Variants in PWWP2A observed in about 807,000 individuals in gnomAD.
PWWP2A encodes PWWP domain containing 2A.
In PWWP2A, 18 loss-of-function variants were observed where a neutral mutation model predicts 48.5. The ratio of observed to expected loss-of-function variants is 0.37; its 90% confidence interval spans 0.26 to 0.55. PWWP2A has a LOEUF of 0.55. Ranked by LOEUF, PWWP2A falls within the 20% of genes least tolerant of loss-of-function variation. The probability of loss-of-function intolerance (pLI) is 0.81; values close to 1 mark genes in which losing one functional copy is unlikely to be tolerated. For synonymous variants in PWWP2A, 396 were observed against 387.7 expected (o/e 1.02, Z -0.25); for missense variants, 867 against 976.4 (o/e 0.89, Z 1.49).
intron 2 of PWWP2A, among the ~76,000 whole-genome samples, chr5:160,084,127 G>A (rs1754443369): frequency 6.6e-6 from 1 of 152,220 alleles, no homozygotes; most frequent in African/African-American, 2.4e-5. Flanking sequence ...GACTGCAGTG[G>A]TAGTAATGAT....
chr5:160,103,913 G>A (rs1394568798), intron 1 of PWWP2A, among the ~76,000 whole-genome samples: 1 of 151,648 alleles, frequency 6.6e-6, no homozygotes, highest in Non-Finnish European at 1.5e-5. Flanking sequence ...CTTGAGACCA[G>A]GAGTTCAAGA....
chr5:160,093,658 G>A lies in PWWP2A; in HGVS notation c.992C>T (p.Ala331Val). ...ACCTTTTCTAATTTCCTTTTTTTCA[G>A]CAACAACACTGTTTTTACATTTATC... ...LCDKCKNSVVAEKKEIRKGSS... is the reference protein window; with the variant it reads ...LCDKCKNSVVVEKKEIRKGSS... The change falls in exon 2 of 2, where the codon GCT becomes GTT. Residue 331 changes from alanine (A) to valine (V), a missense_variant. By Grantham distance (64) the Ala-to-Val change is moderately conservative (BLOSUM62 0). This residue lies in a region of PWWP2A where 382 missense variants were observed against 407.2 expected (regional missense o/e 0.94). Transcript: ENST00000307063. The surrounding 1 kb of genome is among the most constrained non-coding windows in gnomAD (Gnocchi z 5.8). 6.2e-7 allele frequency: 1 copy of A among 1,613,648 alleles called. No homozygotes were observed. Among genetic ancestry groups the A allele is most frequent in the Admixed American group, 1.7e-5 (1 of 59,980 alleles).
At chr5:160,117,472 T>C (rs537264420) in intron 1 of PWWP2A, among the ~76,000 whole-genome samples, 8 of 152,142 alleles carry the variant, frequency 5.3e-5, no homozygotes, top group Non-Finnish European at 8.8e-5. Flanking sequence ...CTGGCCAACA[T>C]GGTGAAATCC....
At chr5:160,044,340 G>A in the PWWP2A span, among the ~76,000 whole-genome samples, 2 of 152,144 alleles carry the variant, frequency 1.3e-5, no homozygotes, top group African/African-American at 4.8e-5. Context: ...AAGTTTATTA[G>A]AGAAATAAAG....
chr5:160,093,329 T>C lies in PWWP2A; in HGVS notation c.1321A>G (p.Lys441Glu). ...GAAGTAGAGGTTTCATTTTGCTTCTTTTGTGCCTTTTCTTTGGCAATTTTT... is the reference window on the plus strand; with the variant it reads ...GAAGTAGAGGTTTCATTTTGCTTCTCTTGTGCCTTTTCTTTGGCAATTTTT... Reference protein sequence around the residue: ...VLKIAKEKAQKKQNETSTSKN... With the variant: ...VLKIAKEKAQEKQNETSTSKN... Residue 441 changes from lysine (K) to glutamate (E), a missense_variant, in exon 2 of 2, where the codon AAG (lysine) becomes GAG (glutamate). By Grantham distance (56) the Lys-to-Glu change is moderately conservative. This residue lies in a region of PWWP2A where 382 missense variants were observed against 407.2 expected (regional missense o/e 0.94). Transcript: ENST00000307063. The surrounding 1 kb of genome is among the most constrained non-coding windows in gnomAD (Gnocchi z 5.8). 6.2e-7 allele frequency: 1 copy of C among 1,613,930 alleles called. No homozygotes were observed.
chr5:160,077,978 C>A lies in PWWP2A; in HGVS notation c.*177G>T, dbSNP rs1038667005. 5 of 512,084 alleles carry A rather than the reference C, an allele frequency of 9.8e-6. No homozygotes were observed. Among genetic ancestry groups the A allele is most frequent in the African/African-American group, 9.6e-5 (5 of 52,242 alleles). The allele number at this position is 512,084 out of a possible 1,614,324, so 31.7% of individuals were successfully genotyped here. On this transcript the variant is annotated 3_prime_UTR_variant, in exon 4 of 4. Coordinates refer to the PWWP2A transcript ENST00000456329. This position sits in a 1 kb window ranked among gnomAD's most constrained non-coding sequence, Gnocchi z 4.2. The stretch of plus-strand genomic sequence containing the variant: ...TTTTTTATAAAATATTCCCTAATAC[C>A]TTTTCTTCGGTTTAAGACAGCACAA...
intron 1 of PWWP2A, chr5:160,108,597 C>T: frequency 7.8e-7 from 1 of 1,286,242 alleles, no homozygotes; most frequent in Non-Finnish European, 1.0e-6. Context: ...GGCTATTGCA[C>T]CATACGTTTC....
the PWWP2A span, among the ~76,000 whole-genome samples, chr5:160,046,969 G>A: frequency 6.6e-6 from 1 of 152,172 alleles, no homozygotes; most frequent in Admixed American, 6.5e-5. Flanking sequence ...CCGAGATCAC[G>A]CCATTACACT....
At chr5:160,102,890 C>G (rs567514799) in intron 1 of PWWP2A, among the ~76,000 whole-genome samples, 1 of 152,238 alleles carries the variant, frequency 6.6e-6, no homozygotes, top group African/African-American at 2.4e-5. Flanking sequence ...AAATGTAATA[C>G]ATAATCATTT....
At chr5:160,047,688 T>G in the PWWP2A span, among the ~76,000 whole-genome samples, 1 of 152,200 alleles carries the variant, frequency 6.6e-6, no homozygotes, top group Admixed American at 6.5e-5. Flanking sequence ...AGGTCCTCCA[T>G]GGCCCTACAT....
chr5:160,074,442 A>AAAT (rs1753818836), downstream of PWWP2A, among the ~76,000 whole-genome samples: 2 of 150,944 alleles, frequency 1.3e-5, no homozygotes, highest in South Asian at 2.1e-4. Flanking sequence ...CTGTCTCAAA[A>AAAT]AAATAAATAA....
chr5:160,050,054 C>A, the PWWP2A span, among the ~76,000 whole-genome samples: 1 of 152,086 alleles, frequency 6.6e-6, no homozygotes, highest in Non-Finnish European at 1.5e-5. Flanking sequence ...GCCTGGGCAA[C>A]AGAGAGGATC....
At chr5:160,069,588 A>C (rs1254795065) in intron 2 of PWWP2A, among the ~76,000 whole-genome samples, 1 of 152,240 alleles carries the variant, frequency 6.6e-6, no homozygotes, top group African/African-American at 2.4e-5. Context: ...TAGGCTGAGC[A>C]CAGTGGCTCA....
chr5:160,111,129 C>A (rs1757522598), intron 1 of PWWP2A, among the ~76,000 whole-genome samples: 1 of 152,056 alleles, frequency 6.6e-6, no homozygotes. Context: ...GAGGTTGCAA[C>A]CAGCCTGGGC....
chr5:160,097,690 C>A (rs1291062794), intron 1 of PWWP2A, among the ~76,000 whole-genome samples: 1 of 128,396 alleles, frequency 7.8e-6, no homozygotes, highest in African/African-American at 3.1e-5. Context: ...TAATAATTTA[C>A]TAGAGGTTTT....
chr5:160,114,458 C>CA (rs200615381), intron 1 of PWWP2A, among the ~76,000 whole-genome samples: 9,692 of 130,196 alleles, frequency 0.074, 357 homozygotes, highest in East Asian at 0.13. Flanking sequence ...GAGACTGTCT[C>CA]AAAAAAAAGA....
At position 160,108,642 on chromosome 5, in the gene PWWP2A, G is replaced by T. The variant is rs1384677497; in HGVS notation, c.584+10163C>A. ...GTAAAGAAAAGAAATCATTGTCTTG[G>T]TTTATATTTCCTCAAAAAACACGTA... On this transcript the variant is annotated intron_variant, in intron 1 of 1. Transcript: ENST00000307063. The T allele has an allele frequency of 3.3e-6, 4 of 1,216,118 alleles. No individual in the cohort carries two copies. In the Admixed American group the frequency reaches 9.3e-5, roughly 28 times the overall value. 75.3% of individuals were successfully genotyped at this position (1,216,118 alleles called of 1,614,324 possible).
rs4360078 is a variant in PWWP2A at position 160,078,201 on chromosome 5, C to A, written c.1670-33G>T. The A allele has an allele frequency of 0.65, 995,116 of 1,522,046 alleles. 327,069 individuals are homozygous for A. The highest frequency in any genetic ancestry group is 0.71 in the African/African-American group (51,703 of 72,464). The allele number at this position is 1,522,046 out of a possible 1,614,324, so 94.3% of individuals were successfully genotyped here. On this transcript the variant is annotated intron_variant, in intron 3 of 3. Transcript: ENST00000456329. This position sits in a 1 kb window ranked among gnomAD's most constrained non-coding sequence, Gnocchi z 4.2. Reference sequence around the variant, plus strand: ...ATAGTAAAGAAAAGGAAGAAAATGTCGTTAAGCACAAGTAATTATATGAGG... The same window carrying A: ...ATAGTAAAGAAAAGGAAGAAAATGTAGTTAAGCACAAGTAATTATATGAGG...
At chr5:160,045,454 C>CA in the PWWP2A span, among the ~76,000 whole-genome samples, 4 of 38,908 alleles carry the variant, frequency 1.0e-4, no homozygotes, top group African/African-American at 1.1e-4. Context: ...CCCCCACCCT[C>CA]CACACACACA....
Sources: gnomAD v4.1 joint callset for allele counts (sites outside exome capture counted in the v4.1 genomes callset) on GRCh38, gnomAD v4.1.1 for gene constraint, gnomAD v4.1.1 regional missense constraint, Gnocchi (gnomAD v3.1) non-coding constraint, MANE v1.5 for transcripts, NCBI Gene and HGNC (gene_info 2026-07-23, HGNC 2026-07-21) for gene names.